The following UBAC2 variants were observed in gnomAD, a reference collection of about 807,000 sequenced individuals.
UBAC2 encodes the protein UBA domain containing 2, also known as ubiquitin-associated domain-containing protein 2.
In UBAC2, 26 loss-of-function variants were observed where a neutral mutation model predicts 44.0. The observed-to-expected ratio is 0.59, with a 90% CI of 0.43 to 0.82. The LOEUF is 0.82. UBAC2 is among the 40% of genes least tolerant of loss of function. The probability of loss-of-function intolerance (pLI) is 0.00; values close to 1 mark genes in which losing one functional copy is unlikely to be tolerated. For missense variants in UBAC2, 329 were observed against 419.4 expected (o/e 0.78, Z 1.88); for synonymous variants, 155 against 154.3 (o/e 1.00, Z -0.04).
intron 6 of UBAC2, among the ~76,000 whole-genome samples, chr13:99,330,188 T>C (rs1218898773): frequency 6.6e-6 from 1 of 151,924 alleles, no homozygotes; most frequent in African/African-American, 2.4e-5. Flanking sequence ...TGGCTGGGTG[T>C]GGTGGCTCAC....
At chr13:99,351,802 G>C in intron 7 of UBAC2, 1 of 456,518 alleles carries the variant, frequency 2.2e-6, no homozygotes, top group South Asian at 1.5e-5. Context: ...GGAGTCCTTG[G>C]TGCTCTTCTT....
intron 4 of UBAC2, among the ~76,000 whole-genome samples, chr13:99,284,042 T>G (rs754812364): frequency 1.6e-4 from 24 of 152,168 alleles, no homozygotes; most frequent in Non-Finnish European, 3.2e-4. Flanking sequence ...CAATGCCACT[T>G]TATTTTTAAA....
intron 1 of UBAC2, among the ~76,000 whole-genome samples, chr13:99,218,895 CTT>C (rs2043025564): frequency 6.6e-6 from 1 of 152,142 alleles, no homozygotes; most frequent in Non-Finnish European, 1.5e-5. Context: ...AGTCCAGAGA[CTT>C]GAGGAATAAA....
At chr13:99,308,664 T>C (rs2044371527) in intron 4 of UBAC2, 1 of 152,184 alleles carries the variant, frequency 6.6e-6, no homozygotes, top group Non-Finnish European at 1.5e-5. Context: ...AATAGTCGAG[T>C]AGCTTTTGCC....
intron 6 of UBAC2, among the ~76,000 whole-genome samples, chr13:99,337,405 C>T (rs959593322): frequency 3.3e-5 from 5 of 151,694 alleles, no homozygotes; most frequent in Non-Finnish European, 7.4e-5. Context: ...AATTATCTTA[C>T]AGTTTTTCTT....
chr13:99,228,438 CG>C (rs200303270), intron 1 of UBAC2, among the ~76,000 whole-genome samples: 2,290 of 151,822 alleles, frequency 0.015, 112 homozygotes, highest in East Asian at 0.15. Context: ...CAGGCTCCCC[CG>C]CACCCCACCA....
chr13:99,377,869 A>G (rs147264359), intron 8 of UBAC2, among the ~76,000 whole-genome samples: 17 of 152,350 alleles, frequency 1.1e-4, no homozygotes, highest in African/African-American at 3.4e-4. Flanking sequence ...ACAGAGAGTC[A>G]GAGCCTGGTC....
rs542620679 is a variant in UBAC2 at position 99,381,430 on chromosome 13, A to C, written c.928-3798A>C. ...TCGTTTGTGCTGGCTGGGTGCAAAG[A>C]AGCAGCCAGTCCTCAGCTGCACTTG... On this transcript the variant is annotated intron_variant, in intron 8 of 8. Transcript: ENST00000403766. 1.5e-4 allele frequency among the ~76,000 whole-genome samples: 23 copies of C among 152,356 alleles called. No individual in the cohort carries two copies. In the South Asian group the frequency reaches 4.1e-3, roughly 27 times the overall value.
chr13:99,304,615 TAATC>T (rs552045527), intron 4 of UBAC2, among the ~76,000 whole-genome samples: 3 of 152,212 alleles, frequency 2.0e-5, no homozygotes, highest in Non-Finnish European at 4.4e-5. Flanking sequence ...TGATGAATAA[TAATC>T]AATTAAAATT....
At chr13:99,218,659 G>T (rs2043023193) in intron 1 of UBAC2, among the ~76,000 whole-genome samples, 1 of 152,156 alleles carries the variant, frequency 6.6e-6, no homozygotes, top group African/African-American at 2.4e-5. Flanking sequence ...CAGTGTGGCA[G>T]GTGTCCAGTG....
intron 1 of UBAC2, among the ~76,000 whole-genome samples, chr13:99,217,472 G>T (rs970049102): frequency 6.6e-6 from 1 of 152,238 alleles, no homozygotes; most frequent in Admixed American, 6.5e-5. Context: ...AGACCCTCTT[G>T]TGTGGCCTGG....
chr13:99,299,427 T>C (rs1244029945), intron 4 of UBAC2, among the ~76,000 whole-genome samples: 1 of 151,930 alleles, frequency 6.6e-6, no homozygotes, highest in Non-Finnish European at 1.5e-5. Context: ...CATGCCACTT[T>C]TTTGGGAGGT....
intron 4 of UBAC2, among the ~76,000 whole-genome samples, chr13:99,292,324 A>G (rs1027020271): frequency 2.0e-5 from 3 of 149,148 alleles, no homozygotes; most frequent in Non-Finnish European, 3.0e-5. Context: ...TTGTATTTTT[A>G]GTAGAGACCG....
At chr13:99,332,192 C>T (rs931905663) in intron 6 of UBAC2, among the ~76,000 whole-genome samples, 9 of 151,956 alleles carry the variant, frequency 5.9e-5, no homozygotes, top group African/African-American at 2.2e-4. Flanking sequence ...AGAAAGCAAT[C>T]GACACCTGTG....
intron 4 of UBAC2, among the ~76,000 whole-genome samples, chr13:99,293,233 A>G (rs1399936056): frequency 6.6e-6 from 1 of 152,160 alleles, no homozygotes; most frequent in Non-Finnish European, 1.5e-5. Flanking sequence ...AGATAAAAGA[A>G]TGTTATTCTG....
intron 4 of UBAC2, chr13:99,255,158 C>T (rs1487589871): frequency 1.2e-6 from 2 of 1,613,956 alleles, no homozygotes; most frequent in African/African-American, 2.7e-5. Context: ...AGCACCTGCA[C>T]CAGCAGCGTG....
At chr13:99,280,431 A>C (rs2043937327) in intron 4 of UBAC2, among the ~76,000 whole-genome samples, 1 of 152,186 alleles carries the variant, frequency 6.6e-6, no homozygotes. Context: ...TACCAAGAAA[A>C]CAAGGAGAAC....
At position 99,296,035 on chromosome 13, in the gene UBAC2, A is replaced by G. The variant is rs141030009; in HGVS notation, c.390-18062A>G. ...GCCCAATGATGAAGACGAGGCTGTA[A>G]TGCAGAGGCATTACTATCCTGGCCG... On this transcript the variant is annotated intron_variant, in intron 4 of 8. Coordinates refer to ENST00000403766, the MANE Select transcript of UBAC2 (RefSeq NM_001144072.2). 4 of 1,614,200 alleles carry G rather than the reference A, an allele frequency of 2.5e-6. No individual in the cohort carries two copies. In the African/African-American group the frequency reaches 5.3e-5, roughly 22 times the overall value.
At chr13:99,344,967 A>G (rs2044951559) in intron 7 of UBAC2, among the ~76,000 whole-genome samples, 1 of 152,238 alleles carries the variant, frequency 6.6e-6, no homozygotes, top group African/African-American at 2.4e-5. Flanking sequence ...GGAAATATTT[A>G]CTGAAGCACC....
Sources: allele counts gnomAD v4.1 joint callset (sites outside exome capture counted in the v4.1 genomes callset), GRCh38; gene constraint gnomAD v4.1.1; transcripts MANE v1.5; gene names NCBI Gene and HGNC (gene_info 2026-07-23, HGNC 2026-07-21).